CFAP20DC: variants seen among roughly 807,000 people sequenced by gnomAD.
The protein encoded by CFAP20DC is protein CFAP20DC.
A neutral mutation model predicts 101.7 loss-of-function variants in CFAP20DC; 84 were observed. The observed-to-expected ratio is 0.83, with a 90% CI of 0.69 to 0.99. The LOEUF (loss-of-function observed/expected upper bound fraction) is 0.99. CFAP20DC is among the 50% of genes least tolerant of loss of function. The pLI, the probability that CFAP20DC is intolerant of heterozygous loss-of-function variation, is 0.00. For synonymous variants in CFAP20DC, 359 were observed against 351.2 expected, an observed-to-expected ratio of 1.02 and a Z score of -0.25; for missense variants, 1,007 against 970.3, an observed-to-expected ratio of 1.04 and a Z score of -0.50.
Position 58,867,844 on chromosome 3 carries a change from T to G in CFAP20DC, c.1108A>C (p.Ser370Arg). 6.2e-7 allele frequency: 1 copy of G among 1,613,722 alleles called. No homozygotes were observed. The highest frequency in any genetic ancestry group is 1.3e-5 in the African/African-American group (1 of 75,060). The stretch of plus-strand genomic sequence containing the variant: ...CTGGGTGTCTCTGTCCTTTCTCTGC[T>G]GGTACTTTTTAACCGTAATCTTCTT... ...NRRRLRLKST[S>R]RERTETPSGS... Residue 370 changes from serine to arginine, a missense_variant, in exon 10 of 17, where the codon AGC becomes CGC. Physicochemically the swap from Ser to Arg is moderately radical, Grantham distance 110 (BLOSUM62 -1). Transcript: ENST00000482387.
intron 6 of CFAP20DC, among the ~76,000 whole-genome samples, chr3:58,891,518 G>T (rs1421856214): frequency 1.3e-5 from 2 of 152,092 alleles, no homozygotes; most frequent in Non-Finnish European, 2.9e-5. Context: ...GTGTGAGATG[G>T]TATCTCATTG....
chr3:58,844,392 A>G (rs2077427264), intron 13 of CFAP20DC, among the ~76,000 whole-genome samples: 1 of 137,476 alleles, frequency 7.3e-6, no homozygotes, highest in Non-Finnish European at 1.5e-5. Context: ...CTTTAAACCA[A>G]CAAAGATCAA....
chr3:58,767,933 C>T (rs1315401849), intron 15 of CFAP20DC, among the ~76,000 whole-genome samples: 1 of 152,182 alleles, frequency 6.6e-6, no homozygotes, highest in African/African-American at 2.4e-5. Flanking sequence ...GGCTGTTCAA[C>T]AGTTTTTCCT....
At chr3:58,764,031 A>T (rs956882658) in intron 15 of CFAP20DC, among the ~76,000 whole-genome samples, 8 of 152,188 alleles carry the variant, frequency 5.3e-5, no homozygotes, top group African/African-American at 1.9e-4. Context: ...CTCAAGCTGC[A>T]TGCTGGGAGA....
intron 12 of CFAP20DC, among the ~76,000 whole-genome samples, chr3:58,852,099 A>T (rs2078295445): frequency 6.6e-6 from 1 of 152,046 alleles, no homozygotes; most frequent in South Asian, 2.1e-4. Context: ...TTTTGCTTTG[A>T]CTGGGCCACT....
intron 6 of CFAP20DC, among the ~76,000 whole-genome samples, chr3:58,904,245 G>A (rs1259972954): frequency 6.6e-6 from 1 of 151,702 alleles, no homozygotes; most frequent in East Asian, 1.9e-4. Flanking sequence ...ATTGTAAATG[G>A]AATTGTTATT....
chr3:59,037,511 G>C (rs4594634), intron 4 of CFAP20DC, among the ~76,000 whole-genome samples: 46,472 of 151,670 alleles, frequency 0.31, 7,740 homozygotes, highest in African/African-American at 0.45. Flanking sequence ...ATTTATGTGG[G>C]CAACAAATAT....
In CFAP20DC at chr3:58,795,710, G is replaced by A. The variant is rs2073192011; in HGVS notation, c.2237+10685C>T. On this transcript the variant is annotated intron_variant, in intron 15 of 16. Transcript: ENST00000482387. The surrounding 1 kb of genome is among the most constrained non-coding windows in gnomAD (Gnocchi z 4.2). ...TGTCTTTTCAGACACAGAAGCCTTT[G>A]GGAGGTGAGGGGAGAAGATGTGATC... Among the ~76,000 whole-genome samples the A allele has an allele frequency of 6.6e-6, 1 of 152,224 alleles. No homozygotes were observed. Among genetic ancestry groups the A allele is most frequent in the Non-Finnish European group, 1.5e-5 (1 of 68,038 alleles).
intron 3 of CFAP20DC, among the ~76,000 whole-genome samples, chr3:59,042,160 T>C (rs1699449065): frequency 6.6e-6 from 1 of 151,800 alleles, no homozygotes; most frequent in Admixed American, 6.6e-5. Context: ...GGGATGGGTG[T>C]AGGAGAGAGG....
chr3:58,843,884 C>T (rs2077374729), intron 13 of CFAP20DC, among the ~76,000 whole-genome samples: 1 of 112,492 alleles, frequency 8.9e-6, no homozygotes, highest in African/African-American at 3.5e-5. Context: ...AAAGAATTTT[C>T]AACCCAGAAT....
intron 15 of CFAP20DC, among the ~76,000 whole-genome samples, chr3:58,793,943 A>C (rs1235761593): frequency 6.6e-6 from 1 of 152,246 alleles, no homozygotes; most frequent in Non-Finnish European, 1.5e-5. Context: ...TTCTTGCAAC[A>C]GATTACAGTT....
chr3:58,718,892 G>C (rs901620391), intron 3 of CFAP20DC, among the ~76,000 whole-genome samples: 3 of 152,156 alleles, frequency 2.0e-5, no homozygotes, highest in Admixed American at 6.5e-5. Context: ...ATGAAGTTCT[G>C]ATTGGTTTTA....
chr3:58,875,593 C>A (rs1219395591), intron 7 of CFAP20DC, among the ~76,000 whole-genome samples: 1 of 152,102 alleles, frequency 6.6e-6, no homozygotes. Flanking sequence ...TTTACAAGAA[C>A]AATTTCCTGA....
intron 13 of CFAP20DC, among the ~76,000 whole-genome samples, chr3:58,837,842 C>G (rs1371506363): frequency 6.6e-6 from 1 of 152,176 alleles, no homozygotes; most frequent in African/African-American, 2.4e-5. Flanking sequence ...TTTTAAACTT[C>G]AACTGCCATT....
At chr3:58,830,269 C>A (rs182375754) in intron 14 of CFAP20DC, among the ~76,000 whole-genome samples, 1 of 152,276 alleles carries the variant, frequency 6.6e-6, no homozygotes, top group African/African-American at 2.4e-5. Context: ...CCCCAGAGCA[C>A]AGAAATCTCA....
chr3:58,800,483 G>A (rs1303301245), intron 15 of CFAP20DC, among the ~76,000 whole-genome samples: 1 of 152,158 alleles, frequency 6.6e-6, no homozygotes, highest in African/African-American at 2.4e-5. Flanking sequence ...ATGGAGAAGA[G>A]TGAAGAAAGA....
At chr3:58,762,094 T>C (rs1237952822) in intron 15 of CFAP20DC, among the ~76,000 whole-genome samples, 3 of 152,200 alleles carry the variant, frequency 2.0e-5, no homozygotes, top group Non-Finnish European at 4.4e-5. Flanking sequence ...GATATGCTTG[T>C]TAACTTTCTG....
rs907045649 is a variant in CFAP20DC at position 58,742,180 on chromosome 3, T to G, written c.*280A>C. 4 of 952,338 alleles carry G rather than the reference T, an allele frequency of 4.2e-6. No individual in the cohort carries two copies. In the African/African-American group the frequency reaches 7.0e-5, roughly 17 times the overall value. 59.0% of individuals were successfully genotyped at this position (952,338 alleles called of 1,614,324 possible). A position where few individuals can be genotyped will look rare whatever the true frequency, so the allele number is the denominator to read the frequency against. On this transcript the variant is annotated 3_prime_UTR_variant, in exon 17 of 17. Transcript: ENST00000482387. The stretch of plus-strand genomic sequence containing the variant: ...TTTGTTTACATAAAATTATCTGAAA[T>G]AAACAAAATTATATGTAGAATGAGA...
At chr3:59,046,029 A>G (rs1486395953) in intron 3 of CFAP20DC, among the ~76,000 whole-genome samples, 200 bp downstream of exon 3, 1 of 152,150 alleles carries the variant, frequency 6.6e-6, no homozygotes, top group Non-Finnish European at 1.5e-5. Context: ...TTTCTAGAAG[A>G]TGGTGAGGTA....
Sources: gnomAD v4.1 joint callset for allele counts (sites outside exome capture counted in the v4.1 genomes callset) on GRCh38, gnomAD v4.1.1 for gene constraint, Gnocchi (gnomAD v3.1) non-coding constraint, MANE v1.5 for transcripts, NCBI Gene and HGNC (gene_info 2026-07-23, HGNC 2026-07-21) for gene names.